TAF4: variants seen among roughly 807,000 people sequenced by gnomAD.
TAF4 encodes the protein TATA-box binding protein associated factor 4.
Under a neutral mutation model 90.3 loss-of-function variants are expected in TAF4, and 9 were observed. That is an observed-to-expected ratio of 0.10 (90% CI 0.06 to 0.17). The LOEUF is 0.17. TAF4 is among the 10% of genes least tolerant of loss of function. The pLI, the probability that TAF4 is intolerant of heterozygous loss-of-function variation, is 1.00. For synonymous variants in TAF4, 818 were observed against 638.9 expected, an observed-to-expected ratio of 1.28 and a Z score of -4.23; for missense variants, 1,351 against 1,370.7, an observed-to-expected ratio of 0.99 and a Z score of 0.23.
At chr20:62,018,818 C>T (rs1383019587) in intron 1 of TAF4, among the ~76,000 whole-genome samples, 2 of 152,366 alleles carry the variant, frequency 1.3e-5, no homozygotes, top group East Asian at 3.9e-4. Context: ...CCCAAAGACC[C>T]TCAGCATCCT....
At position 62,014,053 on chromosome 20, in the gene TAF4, T is replaced by G. The variant is rs1003937779; in HGVS notation, c.1521+494A>C. Among the ~76,000 whole-genome samples the G allele has an allele frequency of 8.6e-5, 13 of 151,470 alleles. 1 individual carries two copies. Among genetic ancestry groups the G allele is most frequent in the African/African-American group, 2.9e-4 (12 of 41,134 alleles). On this transcript the variant is annotated intron_variant, in intron 2 of 14. Transcript: ENST00000252996. ...GTGTGTGTGTGTGTGTGTATGTGTG[T>G]GTGTGTGTGTGTCCCTCTGGCACCC...
At chr20:62,009,937 G>A in intron 4 of TAF4, 109 bp downstream of exon 4, 1 of 1,532,068 alleles carries the variant, frequency 6.5e-7, no homozygotes, top group Non-Finnish European at 8.8e-7. Context: ...TGTGAAGCAA[G>A]CAGTGAGCGG....
At chr20:62,035,363 A>G (rs899560018) in intron 1 of TAF4, among the ~76,000 whole-genome samples, 1 of 152,256 alleles carries the variant, frequency 6.6e-6, no homozygotes, top group Non-Finnish European at 1.5e-5. Flanking sequence ...AAGGACAGAC[A>G]GATAAACCAA....
At chr20:62,026,067 C>CG (rs1472154437) in intron 1 of TAF4, among the ~76,000 whole-genome samples, 58 of 152,152 alleles carry the variant, frequency 3.8e-4, no homozygotes, top group Non-Finnish European at 8.2e-4. Context: ...ACAACCCTCC[C>CG]GGCAAAAAAT....
In TAF4 at chr20:62,031,085, G is replaced by C. The variant is rs568079229; in HGVS notation, c.1361-16378C>G. Reference sequence around the variant, plus strand: ...CTTCTGTTGAAAACACTGAGCACCTGGTATCACTTCTGCCTTCGTGAAGCC... The same window carrying C: ...CTTCTGTTGAAAACACTGAGCACCTCGTATCACTTCTGCCTTCGTGAAGCC... On this transcript the variant is annotated intron_variant, in intron 1 of 14. Coordinates refer to ENST00000252996, the MANE Select transcript of TAF4 (RefSeq NM_003185.4). Among the ~76,000 whole-genome samples, 15 of 152,310 alleles carry C rather than the reference G, an allele frequency of 9.8e-5. No homozygotes were observed. The South Asian group carries it at 3.1e-3, about 32-fold the overall frequency.
At chr20:61,986,976 G>A (rs1360262526) in intron 14 of TAF4, among the ~76,000 whole-genome samples, 1 of 152,228 alleles carries the variant, frequency 6.6e-6, no homozygotes, top group African/African-American at 2.4e-5. Flanking sequence ...GGTATCAGCA[G>A]CCTCCAAGTG....
chr20:61,984,882 A>AGGTGCAGCAGGACTAGGGAG (rs1264408282), intron 14 of TAF4, among the ~76,000 whole-genome samples: 1 of 84,892 alleles, frequency 1.2e-5, no homozygotes, highest in South Asian at 6.0e-4. Context: ...GGAGGAGGGA[A>AGGTGCAGCAGGACTAGGGAG]GGTGCAGCAG....
At chr20:61,998,942 C>T (rs755950350) in intron 12 of TAF4, 41 bp downstream of exon 12, 3 of 1,605,136 alleles carry the variant, frequency 1.9e-6, no homozygotes, top group South Asian at 1.1e-5. Context: ...GTGGCTGAGA[C>T]GGAGGTGCCC....
intron 14 of TAF4, among the ~76,000 whole-genome samples, chr20:61,976,733 G>A (rs1041551947): frequency 6.6e-6 from 1 of 152,250 alleles, no homozygotes; most frequent in African/African-American, 2.4e-5. Context: ...CTAGGTCTGT[G>A]TGTGTCATCC....
chr20:62,023,982 G>A (rs1198895007), intron 1 of TAF4, among the ~76,000 whole-genome samples: 1 of 151,992 alleles, frequency 6.6e-6, no homozygotes, highest in Non-Finnish European at 1.5e-5. Flanking sequence ...GGAGGCTGAG[G>A]TGGGAAGACT....
rs2281736 is a variant in TAF4, at chr20:62,010,553, C to T, written c.1642-388G>A. Reference sequence around the variant, plus strand: ...GAAATCAAAACAACAAACAGAAGAACGGCTCCTGAAAGCTCCATCCTCCCA... The same window carrying T: ...GAAATCAAAACAACAAACAGAAGAATGGCTCCTGAAAGCTCCATCCTCCCA... On this transcript the variant is annotated intron_variant, in intron 3 of 14. Coordinates refer to ENST00000252996, the MANE Select transcript of TAF4 (RefSeq NM_003185.4). The surrounding 1 kb of genome is among the most constrained non-coding windows in gnomAD (Gnocchi z 4.5). Among the ~76,000 whole-genome samples, 14,155 of 152,082 alleles carry T rather than the reference C, an allele frequency of 0.093. 1,111 individuals are homozygous for T. Among genetic ancestry groups the T allele is most frequent in the East Asian group, 0.44 (2,245 of 5,118 alleles).
At chr20:62,059,969 G>C (rs571215592) in intron 1 of TAF4, among the ~76,000 whole-genome samples, 1 of 152,224 alleles carries the variant, frequency 6.6e-6, no homozygotes, top group Admixed American at 6.5e-5. Flanking sequence ...CAGTAGAAAA[G>C]GCTTTGGAGG....
At chr20:61,983,985 G>T (rs752375629) in intron 14 of TAF4, among the ~76,000 whole-genome samples, 1 of 152,166 alleles carries the variant, frequency 6.6e-6, no homozygotes, top group Non-Finnish European at 1.5e-5. Context: ...ATGACACGTG[G>T]ATATTTATGC....
At position 62,053,731 on chromosome 20, in the gene TAF4, G is replaced by C. The variant is rs549078208; in HGVS notation, c.1360+10720C>G. 5.9e-5 allele frequency among the ~76,000 whole-genome samples: 9 copies of C among 152,364 alleles called. No homozygotes were observed. In the East Asian group the frequency reaches 1.7e-3, roughly 29 times the overall value. On this transcript the variant is annotated intron_variant, in intron 1 of 14. Transcript: ENST00000252996. ...GCCAAGCACGGTCTGAGGCCTGCTG[G>C]CTGTCCACCCGTATCCCACCCTGCC...
intron 2 of TAF4, among the ~76,000 whole-genome samples, chr20:62,013,563 TGGCAGCCTCC>T (rs2055792050): frequency 6.6e-6 from 1 of 152,230 alleles, no homozygotes; most frequent in African/African-American, 2.4e-5. Flanking sequence ...GGGTGGTCTC[TGGCAGCCTCC>T]GGCACGTCCG....
rs528054283 is a variant in TAF4, at chr20:62,047,187, C to G, written c.1360+17264G>C. On this transcript the variant is annotated intron_variant, in intron 1 of 14. Coordinates refer to ENST00000252996, the MANE Select transcript of TAF4 (RefSeq NM_003185.4). ...TCATCTATTCTTCGACAATTACTCTCTTTTCAGAAGGACAACTTCAGTGTC... is the reference window on the plus strand; with the variant it reads ...TCATCTATTCTTCGACAATTACTCTGTTTTCAGAAGGACAACTTCAGTGTC... Among the ~76,000 whole-genome samples, 41 of 152,258 alleles carry G rather than the reference C, an allele frequency of 2.7e-4. 1 individual carries two copies. The highest frequency in any genetic ancestry group is 9.4e-4 in the African/African-American group (39 of 41,566).
Position 62,064,690 on chromosome 20 carries a change from ACCATGCTGGCCG to A in TAF4, c.1109_1120del (p.Ala370_Met373del), listed in dbSNP as rs917420370. The A allele has an allele frequency of 2.4e-6, 3 of 1,256,474 alleles. No individual in the cohort carries two copies. Among genetic ancestry groups the A allele is most frequent in the African/African-American group, 3.3e-5 (2 of 61,328 alleles). 77.8% of individuals were successfully genotyped at this position (1,256,474 alleles called of 1,614,324 possible). A position where few individuals can be genotyped will look rare whatever the true frequency, so the allele number is the denominator to read the frequency against. ...CGCCCCTTGCATAGTTGGCCCGATG[ACCATGCTGGCCG>A]CCGTGCTGGCCGGGCCGCTGGCCGC... On this transcript the variant is annotated inframe_deletion, in exon 1 of 15. Transcript: ENST00000252996.
Position 62,052,504 on chromosome 20 carries a change from C to G in TAF4, c.1360+11947G>C, listed in dbSNP as rs192283032. ...AACCCCAGGGTGCCCTGCCCCGCAC[C>G]AGCTCCACACCCCAGCCCCAGCCCG... On this transcript the variant is annotated intron_variant, in intron 1 of 14. Transcript: ENST00000252996. 2.2e-4 allele frequency among the ~76,000 whole-genome samples: 34 copies of G among 152,084 alleles called. 1 individual carries two copies. Among genetic ancestry groups the G allele is most frequent in the African/African-American group, 8.2e-4 (34 of 41,450 alleles).
intron 1 of TAF4, among the ~76,000 whole-genome samples, chr20:62,063,385 G>A (rs1466317225): frequency 2.0e-5 from 3 of 151,906 alleles, no homozygotes; most frequent in Non-Finnish European, 4.4e-5. Flanking sequence ...TGCTACAACT[G>A]CACGGCACGC....
Sources: gnomAD v4.1 joint callset for allele counts (sites outside exome capture counted in the v4.1 genomes callset) on GRCh38, gnomAD v4.1.1 for gene constraint, Gnocchi (gnomAD v3.1) non-coding constraint, MANE v1.5 for transcripts, NCBI Gene and HGNC (gene_info 2026-07-23, HGNC 2026-07-21) for gene names.